Variants in TGM4 observed in about 807,000 individuals in gnomAD.
TGM4 encodes the protein transglutaminase 4, also known as protein-glutamine gamma-glutamyltransferase 4.
TGM4 carries 61 observed loss-of-function variants against 76.3 expected under a neutral mutation model. The observed-to-expected ratio is 0.80, with a 90% CI of 0.65 to 0.99. The LOEUF is 0.99. TGM4 is among the 50% of genes least tolerant of loss of function. TGM4 has a pLI of 0.00. For missense variants in TGM4, 794 were observed against 843.2 expected (o/e 0.94, Z 0.72); for synonymous variants, 337 against 329.8 (o/e 1.02, Z -0.24).
chr3:44,880,515 T>G (rs1227210488), intron 1 of TGM4, among the ~76,000 whole-genome samples: 2 of 152,054 alleles, frequency 1.3e-5, no homozygotes, highest in African/African-American at 4.8e-5. Flanking sequence ...CAGGTGGCAG[T>G]AGACTCAGGC....
chr3:44,884,117 G>T (rs928907841), intron 1 of TGM4, among the ~76,000 whole-genome samples: 1 of 152,188 alleles, frequency 6.6e-6, no homozygotes, highest in Non-Finnish European at 1.5e-5. Context: ...GGTGGGTCTG[G>T]CAGTCTGTGT....
chr3:44,902,827 A>G (rs2125757507), intron 8 of TGM4, among the ~76,000 whole-genome samples: 1 of 152,298 alleles, frequency 6.6e-6, no homozygotes, highest in South Asian at 2.1e-4. Flanking sequence ...GCCCCTTGCA[A>G]GCTAAAATTG....
Position 44,879,261 on chromosome 3 carries a change from C to CTATATA in TGM4, c.19+4565_19+4566insATATAT, listed in dbSNP as rs1185276628. 9.5e-3 allele frequency among the ~76,000 whole-genome samples: 884 copies of CTATATA among 93,086 alleles called. 5 individuals carry two copies. The highest frequency in any genetic ancestry group is 0.014 in the Non-Finnish European group (625 of 43,794). The allele number at this position is 93,086 out of a possible 152,430, so 61.1% of individuals were successfully genotyped here. ...GGTCTCTCTCTCTCTCTCTCTCTCT[C>CTATATA]TCTCTATATATATATATATATATAT... is the stretch of plus-strand genomic sequence containing the variant. On this transcript the variant is annotated intron_variant, in intron 1 of 13. Transcript: ENST00000296125.
At chr3:44,906,805 C>A in intron 9 of TGM4, 144 bp from the exon 10 acceptor site, 1 of 1,000,532 alleles carries the variant, frequency 1.0e-6, no homozygotes, top group Non-Finnish European at 1.5e-6. Flanking sequence ...TTAAGGATGG[C>A]CTAGGAAATG....
intron 6 of TGM4, 121 bp from the exon 7 acceptor site, chr3:44,901,403 C>T: frequency 8.1e-7 from 1 of 1,231,316 alleles, no homozygotes; most frequent in East Asian, 2.6e-5. Context: ...AAGCCCACGT[C>T]CTCCAAGTAC....
intron 1 of TGM4, among the ~76,000 whole-genome samples, chr3:44,884,909 A>C (rs1001984869): frequency 6.6e-6 from 1 of 152,142 alleles, no homozygotes; most frequent in South Asian, 2.1e-4. Flanking sequence ...TGATTGACGG[A>C]GAACACCCTG....
intron 2 of TGM4, 38 bp downstream of exon 2, chr3:44,885,536 G>A: frequency 6.3e-7 from 1 of 1,585,038 alleles, no homozygotes; most frequent in Non-Finnish European, 8.6e-7. Context: ...GCTTTGGGGA[G>A]GGATCACAAG....
intron 3 of TGM4, chr3:44,888,015 C>T: frequency 3.7e-6 from 2 of 542,778 alleles, no homozygotes; most frequent in East Asian, 3.1e-5. Context: ...CTACATGTCA[C>T]CCTTCCCCTT....
chr3:44,905,778 T>C (rs1051481483), intron 9 of TGM4, among the ~76,000 whole-genome samples: 2 of 152,006 alleles, frequency 1.3e-5, no homozygotes, highest in Non-Finnish European at 1.5e-5. Flanking sequence ...TAATAGGGGG[T>C]GAGGGTGGTG....
chr3:44,896,927 T>C (rs1229690515), intron 6 of TGM4, 111 bp downstream of exon 6: 2 of 749,732 alleles, frequency 2.7e-6, no homozygotes, highest in Non-Finnish European at 2.3e-6. Flanking sequence ...CACTGTGCTA[T>C]GGCCAATCAA....
chr3:44,883,762 A>G (rs1251522114), intron 1 of TGM4, among the ~76,000 whole-genome samples: 1 of 152,224 alleles, frequency 6.6e-6, no homozygotes, highest in Non-Finnish European at 1.5e-5. Flanking sequence ...CACTCCAGCA[A>G]GAATGAGCTG....
At chr3:44,878,510 T>A (rs1699483029) in intron 1 of TGM4, among the ~76,000 whole-genome samples, 1 of 149,320 alleles carries the variant, frequency 6.7e-6, no homozygotes, top group African/African-American at 2.5e-5. Context: ...TGAGATGAGG[T>A]CTCACTCTGT....
At chr3:44,882,057 CTTT>C (rs60542332) in intron 1 of TGM4, among the ~76,000 whole-genome samples, 1 of 104,618 alleles carries the variant, frequency 9.6e-6, no homozygotes, top group Non-Finnish European at 1.8e-5. Flanking sequence ...AATACAAACG[CTTT>C]TTTTTTTTTT....
Position 44,894,108 on chromosome 3 carries a change from C to T in TGM4, c.549+413C>T, listed in dbSNP as rs868338014. 1.4e-3 allele frequency among the ~76,000 whole-genome samples: 83 copies of T among 57,486 alleles called. 1 individual carries two copies. The highest frequency in any genetic ancestry group is 5.5e-3 in the African/African-American group (68 of 12,442). The allele number at this position is 57,486 out of a possible 152,430, so 37.7% of individuals were successfully genotyped here. On this transcript the variant is annotated intron_variant, in intron 5 of 13. Coordinates refer to ENST00000296125, the MANE Select transcript of TGM4 (RefSeq NM_003241.4). ...CCTCCCATGGCTCTCTTCCACCCCC[C>T]ACGGCTCTCTCCCAACCCCAACAGC... is the stretch of plus-strand genomic sequence containing the variant.
At chr3:44,900,913 C>T (rs1185135479) in intron 6 of TGM4, 1 of 152,548 alleles carries the variant, frequency 6.6e-6, no homozygotes, top group Admixed American at 6.5e-5. Context: ...GATGCCAAAA[C>T]AGGCATAGGC....
chr3:44,910,993 T>A lies in TGM4; in HGVS notation c.1642T>A (p.Tyr548Asn). 1 of 1,614,206 alleles carries A rather than the reference T, an allele frequency of 6.2e-7. No homozygotes were observed. Among genetic ancestry groups the A allele is most frequent in the Non-Finnish European group, 8.5e-7 (1 of 1,180,018 alleles). The change falls in exon 12 of 14, where the codon TAC becomes AAC. Residue 548 changes from tyrosine (Y) to asparagine (N), a missense_variant. Transcript: ENST00000296125. ...EVTLTLDSKTYINSLAILDDE... is the reference protein window; with the variant it reads ...EVTLTLDSKTNINSLAILDDE... ...GACTCTGACCTTGGACTCCAAGACC[T>A]ACATCAACAGCCTGGCTATATTAGA...
Position 44,910,969 on chromosome 3 carries a change from ACT to A in TGM4, c.1621_1622del (p.Leu541AspfsTer16), listed in dbSNP as rs775848458. 2.5e-5 allele frequency: 41 copies of A among 1,613,880 alleles called. No individual in the cohort carries two copies. The highest frequency in any genetic ancestry group is 3.4e-5 in the Non-Finnish European group (40 of 1,179,970). On this transcript the variant is annotated frameshift_variant, in exon 12 of 14. Transcript: ENST00000296125. LOFTEE classifies it high-confidence loss of function. ...SQIQGQVSEV[T>X]LTLDSKTYIN... ...TGACTCTTTGGCAGTATCAGAAGTG[ACT>A]CTGACCTTGGACTCCAAGACCTACA...
intron 8 of TGM4, among the ~76,000 whole-genome samples, chr3:44,902,829 C>G (rs923724790): frequency 6.6e-6 from 1 of 152,064 alleles, no homozygotes; most frequent in African/African-American, 2.4e-5. Flanking sequence ...CCCTTGCAAG[C>G]TAAAATTGAC....
chr3:44,892,901 C>T (rs1458663747), intron 4 of TGM4, among the ~76,000 whole-genome samples: 1 of 152,118 alleles, frequency 6.6e-6, no homozygotes, highest in Non-Finnish European at 1.5e-5. Flanking sequence ...ATTCAGGTTA[C>T]GCAGTCCTTG....
Sources: gnomAD v4.1 joint callset for allele counts (sites outside exome capture counted in the v4.1 genomes callset) on GRCh38, gnomAD v4.1.1 for gene constraint, MANE v1.5 for transcripts, NCBI Gene and HGNC (gene_info 2026-07-23, HGNC 2026-07-21) for gene names.